ERBB4: variants seen among roughly 807,000 people sequenced by gnomAD.
ERBB4 encodes receptor tyrosine-protein kinase erbB-4.
ERBB4 carries 42 observed loss-of-function variants against 158.0 expected under a neutral mutation model. The ratio of observed to expected loss-of-function variants is 0.27; its 90% confidence interval spans 0.21 to 0.34. ERBB4 has a LOEUF of 0.34. Among genes scored for constraint, ERBB4 ranks in the 10% least tolerant of loss-of-function variants. The pLI is 1.00. For synonymous variants in ERBB4, 583 were observed against 558.7 expected (o/e 1.04, Z -0.61); for missense variants, 1,333 against 1,624.1 (o/e 0.82, Z 3.08).
chr2:211,762,403 A>G (rs1252498430), intron 4 of ERBB4, among the ~76,000 whole-genome samples: 3 of 152,246 alleles, frequency 2.0e-5, no homozygotes, highest in Admixed American at 1.3e-4. Context: ...ACCCAACTCC[A>G]GTGAAACTCA....
At chr2:211,730,362 C>A (rs932589126) in intron 5 of ERBB4, among the ~76,000 whole-genome samples, 1 of 151,970 alleles carries the variant, frequency 6.6e-6, no homozygotes, top group African/African-American at 2.4e-5. Flanking sequence ...GACAAAAGAT[C>A]TCTGTTCGCC....
intron 3 of ERBB4, among the ~76,000 whole-genome samples, chr2:211,791,647 GA>G (rs1053920315): frequency 6.6e-6 from 1 of 151,796 alleles, no homozygotes; most frequent in Non-Finnish European, 1.5e-5. Flanking sequence ...TCAATTGATA[GA>G]AAAAAGCTGC....
chr2:211,762,444 A>C (rs1375624580), intron 4 of ERBB4, among the ~76,000 whole-genome samples: 1 of 152,214 alleles, frequency 6.6e-6, no homozygotes, highest in East Asian at 1.9e-4. Flanking sequence ...GCTCTTGTAG[A>C]GTTCAGGCTG....
At chr2:212,350,376 A>G (rs747213497) in intron 1 of ERBB4, among the ~76,000 whole-genome samples, 21 of 152,130 alleles carry the variant, frequency 1.4e-4, no homozygotes, top group Non-Finnish European at 2.9e-4. Flanking sequence ...TTCCCTTAGT[A>G]TGTTTACTAT....
chr2:212,339,370 A>C (rs1039933982), intron 1 of ERBB4, among the ~76,000 whole-genome samples: 2 of 152,168 alleles, frequency 1.3e-5, no homozygotes, highest in African/African-American at 4.8e-5. Context: ...GAGTACAATA[A>C]ACTAAGAATG....
At chr2:211,969,628 T>C (rs2125196858) in intron 2 of ERBB4, among the ~76,000 whole-genome samples, 1 of 152,188 alleles carries the variant, frequency 6.6e-6, no homozygotes, top group African/African-American at 2.4e-5. Flanking sequence ...GGGTGCTCTT[T>C]ATGCACAGTT....
intron 20 of ERBB4, among the ~76,000 whole-genome samples, chr2:211,444,966 G>T (rs1436802657): frequency 2.0e-5 from 3 of 151,880 alleles, no homozygotes; most frequent in African/African-American, 7.3e-5. Context: ...TTAAATTTTT[G>T]GATAAAATAC....
At chr2:211,846,624 T>G (rs372343618) in intron 3 of ERBB4, among the ~76,000 whole-genome samples, 4 of 152,144 alleles carry the variant, frequency 2.6e-5, no homozygotes, top group African/African-American at 9.7e-5. Context: ...AATTCTAAAG[T>G]TACACTTTCA....
intron 2 of ERBB4, among the ~76,000 whole-genome samples, chr2:212,010,583 GGCAAAGGGCAAAA>G (rs1305641628): frequency 2.6e-5 from 4 of 152,096 alleles, no homozygotes; most frequent in Admixed American, 2.6e-4. Context: ...AAGATCCCAA[GGCAAAGGGCAAAA>G]GCAGAACTAC....
intron 20 of ERBB4, among the ~76,000 whole-genome samples, chr2:211,463,294 T>A (rs912463989): frequency 1.3e-5 from 2 of 152,190 alleles, no homozygotes; most frequent in East Asian, 3.9e-4. Context: ...GGTTTGTTCA[T>A]GTACAAATTG....
chr2:211,432,106 G>T (rs745572977), intron 20 of ERBB4, among the ~76,000 whole-genome samples: 5 of 152,112 alleles, frequency 3.3e-5, no homozygotes, highest in Non-Finnish European at 5.9e-5. Context: ...TATATTTGAT[G>T]ATTTTTGTGG....
intron 17 of ERBB4, among the ~76,000 whole-genome samples, chr2:211,625,697 G>T (rs2069817313): frequency 6.6e-6 from 1 of 152,040 alleles, no homozygotes; most frequent in Admixed American, 6.6e-5. Flanking sequence ...CAACCATACA[G>T]GAATTGTTGG....
Position 212,402,416 on chromosome 2 carries a change from G to A in ERBB4, c.82+136033C>T, listed in dbSNP as rs532721832. The stretch of plus-strand genomic sequence containing the variant: ...AAAGGTGAATAAATCGATCCTTTCA[G>A]TATCCTGACGGTGGTGGTGAACACA... On this transcript the variant is annotated intron_variant, in intron 1 of 27. Coordinates refer to ENST00000342788, the MANE Select transcript of ERBB4 (RefSeq NM_005235.3). 1.3e-5 allele frequency among the ~76,000 whole-genome samples: 2 copies of A among 152,094 alleles called. 1 individual carries two copies.
chr2:211,465,380 G>C (rs2064654242), intron 20 of ERBB4, among the ~76,000 whole-genome samples: 1 of 150,444 alleles, frequency 6.6e-6, no homozygotes, highest in African/African-American at 2.4e-5. Flanking sequence ...TAAGACCTAA[G>C]TTTTGGGATG....
chr2:211,802,152 G>A (rs1046948482), intron 3 of ERBB4, among the ~76,000 whole-genome samples: 3 of 152,076 alleles, frequency 2.0e-5, no homozygotes, highest in African/African-American at 7.2e-5. Flanking sequence ...GCAGCTACTC[G>A]GGAGGCTGAG....
chr2:211,773,637 TA>T lies in ERBB4; in HGVS notation c.556+14387del, dbSNP rs1379105847. Among the ~76,000 whole-genome samples the T allele has an allele frequency of 7.6e-3, 696 of 91,720 alleles. 23 individuals are homozygous for T. Among genetic ancestry groups the T allele is most frequent in the East Asian group, 0.017 (40 of 2,320 alleles). 60.2% of individuals were successfully genotyped at this position (91,720 alleles called of 152,430 possible). A position where few individuals can be genotyped will look rare whatever the true frequency, so the allele number is the denominator to read the frequency against. On this transcript the variant is annotated intron_variant, in intron 4 of 27. Transcript: ENST00000342788. Reference sequence around the variant, plus strand: ...ATATATATATATATATATATATATATATATATATATAATATATATACACACA... The same window carrying T: ...ATATATATATATATATATATATATATTATATATATAATATATATACACACA...
At chr2:212,191,439 A>ATACATGTTATACCTGTTATATATAACACG (rs2082186224) in intron 1 of ERBB4, among the ~76,000 whole-genome samples, 1 of 19,002 alleles carries the variant, frequency 5.3e-5, no homozygotes, top group African/African-American at 1.6e-4. Flanking sequence ...GTATATACAC[A>ATACATGTTATACCTGTTATATATAACACG]TGTTATACAT....
At chr2:211,830,310 A>C (rs955546570) in intron 3 of ERBB4, among the ~76,000 whole-genome samples, 1 of 152,100 alleles carries the variant, frequency 6.6e-6, no homozygotes, top group Non-Finnish European at 1.5e-5. Flanking sequence ...CCTGATCTCT[A>C]TGCTAACAAC....
At chr2:211,502,934 T>C (rs1223053406) in intron 20 of ERBB4, among the ~76,000 whole-genome samples, 2 of 152,014 alleles carry the variant, frequency 1.3e-5, no homozygotes, top group African/African-American at 4.8e-5. Flanking sequence ...TTCAAACAGA[T>C]TTATTGAAAG....
Sources: gnomAD v4.1 joint callset for allele counts (sites outside exome capture counted in the v4.1 genomes callset) on GRCh38, gnomAD v4.1.1 for gene constraint, MANE v1.5 for transcripts, NCBI Gene and HGNC (gene_info 2026-07-23, HGNC 2026-07-21) for gene names.